MATCAP2: variants seen among roughly 807,000 people sequenced by gnomAD.
MATCAP2 encodes microtubule associated tyrosine carboxypeptidase 2, also known as putative tyrosine carboxypeptidase MATCAP2.
the MATCAP2 span, chr7:36,334,201 A>C: frequency 4.7e-6 from 7 of 1,492,966 alleles, no homozygotes; most frequent in Non-Finnish European, 6.4e-6. Context: ...AAGAAATGCC[A>C]TTCTTGTTTT....
the MATCAP2 span, among the ~76,000 whole-genome samples, chr7:36,359,764 G>C: frequency 1.3e-5 from 2 of 152,178 alleles, no homozygotes; most frequent in Admixed American, 6.5e-5. Flanking sequence ...ATAGACTTAC[G>C]TGTTGCCAAC....
At chr7:36,334,682 G>A in the MATCAP2 span, among the ~76,000 whole-genome samples, 3 of 152,004 alleles carry the variant, frequency 2.0e-5, no homozygotes, top group East Asian at 1.9e-4. Context: ...CATGTCTCAA[G>A]AGAGGAGGTA....
chr7:36,386,693 T>C, the MATCAP2 span, among the ~76,000 whole-genome samples: 1 of 151,600 alleles, frequency 6.6e-6, no homozygotes. Flanking sequence ...AAAAAGAAAA[T>C]TGAAAGTCCA....
chr7:36,373,479 A>G, the MATCAP2 span, among the ~76,000 whole-genome samples: 1 of 152,206 alleles, frequency 6.6e-6, no homozygotes, highest in Non-Finnish European at 1.5e-5. Flanking sequence ...GGCCTGAGAT[A>G]AGAATAATTT....
chr7:36,383,757 GC>G, the MATCAP2 span: 1 of 693,504 alleles, frequency 1.4e-6, no homozygotes, highest in Admixed American at 2.9e-5. Flanking sequence ...GCACGTGTAT[GC>G]CTATGTAACA....
chr7:36,366,850 G>GCCCCGGGCGGCGGGA, the MATCAP2 span: 2 of 1,504,308 alleles, frequency 1.3e-6, no homozygotes, highest in Non-Finnish European at 1.8e-6. Flanking sequence ...CATTACCTGA[G>GCCCCGGGCGGCGGGA]CCCCGGGCGG....
At chr7:36,381,361 G>A in the MATCAP2 span, among the ~76,000 whole-genome samples, 4 of 152,078 alleles carry the variant, frequency 2.6e-5, no homozygotes, top group African/African-American at 9.7e-5. Context: ...AAGGTTTGAG[G>A]AATGTTAAGG....
chr7:36,379,837 CACACACACACAGAG>C, the MATCAP2 span, among the ~76,000 whole-genome samples: 3 of 131,396 alleles, frequency 2.3e-5, no homozygotes, highest in Non-Finnish European at 5.0e-5. Context: ...CACACACACA[CACACACACACAGAG>C]AGAGAGAGAG....
chr7:36,379,875 G>A, the MATCAP2 span, among the ~76,000 whole-genome samples: 87 of 148,198 alleles, frequency 5.9e-4, no homozygotes, highest in Non-Finnish European at 6.3e-4. Flanking sequence ...GAGAGAGAGA[G>A]AATATAAAGC....
the MATCAP2 span, among the ~76,000 whole-genome samples, chr7:36,371,840 C>G: frequency 6.6e-6 from 1 of 151,986 alleles, no homozygotes; most frequent in Non-Finnish European, 1.5e-5. Flanking sequence ...AACTCCTGGG[C>G]TCAAGCGATC....
chr7:36,341,631 A>G, the MATCAP2 span, among the ~76,000 whole-genome samples: 95 of 152,330 alleles, frequency 6.2e-4, no homozygotes, highest in African/African-American at 2.2e-3. Flanking sequence ...TCTTTAATAC[A>G]GTGGCTCATG....
the MATCAP2 span, among the ~76,000 whole-genome samples, chr7:36,376,745 G>T: frequency 6.6e-6 from 1 of 151,968 alleles, no homozygotes; most frequent in Non-Finnish European, 1.5e-5. Context: ...TGTAGGTCTC[G>T]AAGGACTTGC....
the MATCAP2 span, among the ~76,000 whole-genome samples, chr7:36,337,409 G>A: frequency 6.6e-6 from 1 of 151,936 alleles, no homozygotes; most frequent in East Asian, 1.9e-4. Flanking sequence ...AACACCTGAG[G>A]AAAAAGAAAA....
chr7:36,349,940 A>C, the MATCAP2 span, among the ~76,000 whole-genome samples: 12 of 152,326 alleles, frequency 7.9e-5, no homozygotes, highest in East Asian at 9.6e-4. Context: ...TCTCCGATCT[A>C]ATACACAAGG....
the MATCAP2 span, chr7:36,389,756 G>A: frequency 2.3e-6 from 1 of 432,306 alleles, no homozygotes; most frequent in Non-Finnish European, 3.9e-6. Flanking sequence ...GGCCCGGCGC[G>A]GCCACGTGAC....
At chr7:36,334,013 T>G in the MATCAP2 span, 1 of 1,613,956 alleles carries the variant, frequency 6.2e-7, no homozygotes, top group Non-Finnish European at 8.5e-7. Flanking sequence ...CAGCCCTCCA[T>G]AAAAAAGGGT....
chr7:36,389,078 T>C, the MATCAP2 span, among the ~76,000 whole-genome samples: 9 of 152,128 alleles, frequency 5.9e-5, no homozygotes, highest in Non-Finnish European at 8.8e-5. Flanking sequence ...ACAAGGGCTC[T>C]TTGTCTGGCT....
chr7:36,379,853 G>C, the MATCAP2 span, among the ~76,000 whole-genome samples: 1,851 of 148,736 alleles, frequency 0.012, 16 homozygotes, highest in Non-Finnish European at 0.015. Flanking sequence ...CACACAGAGA[G>C]AGAGAGAGAG....
chr7:36,330,795 A>T, the MATCAP2 span, among the ~76,000 whole-genome samples: 3 of 152,238 alleles, frequency 2.0e-5, no homozygotes, highest in Non-Finnish European at 4.4e-5. Context: ...TATTGACCAT[A>T]AAGAAATTTT....
Sources: gnomAD v4.1 joint callset for allele counts (sites outside exome capture counted in the v4.1 genomes callset) on GRCh38, gnomAD v4.1.1 for gene constraint, MANE v1.5 for transcripts, NCBI Gene and HGNC (gene_info 2026-07-23, HGNC 2026-07-21) for gene names.